The following TNRC18 variants were observed in gnomAD, a reference collection of about 807,000 sequenced individuals.
TNRC18 encodes trinucleotide repeat-containing gene 18 protein.
TNRC18 carries 69 observed loss-of-function variants against 226.7 expected under a neutral mutation model. The observed-to-expected ratio is 0.30, with a 90% CI of 0.25 to 0.37. TNRC18 has a LOEUF of 0.37. Among genes scored for constraint, TNRC18 ranks in the 10% least tolerant of loss-of-function variants. TNRC18 has a pLI of 1.00. For missense variants in TNRC18, 4,754 were observed against 4,256.6 expected (o/e 1.12, Z -3.25); for synonymous variants, 2,449 against 1,927.6 (o/e 1.27, Z -7.09).
At chr7:5,311,190 A>AAATGTGCG (rs1554267340) in intron 27 of TNRC18, among the ~76,000 whole-genome samples, 1 of 129,182 alleles carries the variant, frequency 7.7e-6, no homozygotes, top group African/African-American at 2.9e-5. Flanking sequence ...ATGTGCACAC[A>AAATGTGCG]TATGTGCGTG....
In TNRC18 at chr7:5,362,728, G is replaced by A. The variant is rs773309038; in HGVS notation, c.4317C>T (p.Asp1439=). The A allele has an allele frequency of 1.2e-5, 19 of 1,575,518 alleles. No homozygotes were observed. Among genetic ancestry groups the A allele is most frequent in the Non-Finnish European group, 8.6e-7 (1 of 1,161,366 alleles). ...GCGGGAGCCGCAGGTTCTTGAGTGG[G>A]TCCACCACGGGCCCATCCAGCACCT... ...LREVLDGPVV[D]PLKNLRLPRE... The change falls in exon 12 of 30, where the codon GAC becomes GAT. Residue 1439 remains aspartate, a synonymous_variant. Coordinates refer to ENST00000430969, the MANE Select transcript of TNRC18 (RefSeq NM_001080495.3).
intron 2 of TNRC18, among the ~76,000 whole-genome samples, chr7:5,402,178 C>CAA (rs35794476): frequency 0.015 from 1,054 of 70,972 alleles, 62 homozygotes; most frequent in African/African-American, 0.05. Context: ...GACTCTGTCT[C>CAA]AAAAAAAAAA....
At chr7:5,322,362 G>A (rs1405755314) in intron 21 of TNRC18, among the ~76,000 whole-genome samples, 2 of 152,094 alleles carry the variant, frequency 1.3e-5, no homozygotes, top group Admixed American at 6.5e-5. Flanking sequence ...GCAGTGGCAA[G>A]ATCATAGCTC....
chr7:5,406,213 C>G (rs902958606), intron 2 of TNRC18, among the ~76,000 whole-genome samples: 2 of 152,168 alleles, frequency 1.3e-5, no homozygotes, highest in Non-Finnish European at 2.9e-5. Flanking sequence ...GCCTGTAATC[C>G]CAGCACTTTG....
At chr7:5,390,685 T>C in intron 3 of TNRC18, 57 bp from the exon 4 acceptor site, 1 of 1,447,066 alleles carries the variant, frequency 6.9e-7, no homozygotes, top group Non-Finnish European at 9.1e-7. Flanking sequence ...CACCAGGAGC[T>C]TCCTTCCAGC....
chr7:5,333,095 C>T (rs368526605), intron 18 of TNRC18, 46 bp from the exon 19 acceptor site: 2 of 1,532,874 alleles, frequency 1.3e-6, no homozygotes, highest in East Asian at 4.9e-5. Context: ...CGTGGGGACC[C>T]CTTCCCTCCC....
Position 5,371,074 on chromosome 7 carries a change from G to A in TNRC18, c.3520C>T (p.Pro1174Ser), listed in dbSNP as rs1240384777. The A allele has an allele frequency of 4.3e-6, 7 of 1,611,636 alleles. No homozygotes were observed. Among genetic ancestry groups the A allele is most frequent in the Admixed American group, 3.3e-5 (2 of 59,996 alleles). Residue 1174 changes from proline to serine, a missense_variant, in exon 11 of 30, where the codon CCT becomes TCT. By Grantham distance (74) the Pro-to-Ser change is moderately conservative. Coordinates refer to ENST00000430969, the MANE Select transcript of TNRC18 (RefSeq NM_001080495.3). The part of the protein sequence containing the change: ...DMDEGPTELP[P>S]LESPLPLPAA... Reference sequence around the variant, plus strand: ...GGCAGTGGCAGCGGCGACTCCAGAGGCGGCAGCTCTGTGGGGCCCTCGTCC... The same window carrying A: ...GGCAGTGGCAGCGGCGACTCCAGAGACGGCAGCTCTGTGGGGCCCTCGTCC...
intron 9 of TNRC18, among the ~76,000 whole-genome samples, chr7:5,375,148 T>TA (rs59909122): frequency 0.15 from 22,198 of 151,946 alleles, 2,477 homozygotes; most frequent in African/African-American, 0.28. Context: ...CTACTAAAAA[T>TA]AGAGAAAAAA....
intron 27 of TNRC18, among the ~76,000 whole-genome samples, chr7:5,311,674 G>A (rs1787225390): frequency 6.6e-6 from 1 of 151,982 alleles, no homozygotes; most frequent in Non-Finnish European, 1.5e-5. Context: ...AATCAGCTGG[G>A]TAGCATGGTG....
At chr7:5,331,023 C>T (rs1789473525) in intron 19 of TNRC18, among the ~76,000 whole-genome samples, 1 of 152,102 alleles carries the variant, frequency 6.6e-6, no homozygotes, top group African/African-American at 2.4e-5. Flanking sequence ...CCTGCAAGGC[C>T]TTCAAAAACC....
In TNRC18 at chr7:5,312,200, G is replaced by C. The variant is rs892925258; in HGVS notation, c.8388+303C>G. Among the ~76,000 whole-genome samples the C allele has an allele frequency of 6.6e-6, 1 of 152,138 alleles. No individual in the cohort carries two copies. Among genetic ancestry groups the C allele is most frequent in the African/African-American group, 2.4e-5 (1 of 41,458 alleles). ...CCCCTTCCACGTGGCGCCGACGCCT[G>C]TGGGTCTGTGCTGATCTTTGCACGT... On this transcript the variant is annotated intron_variant, in intron 27 of 29. Coordinates refer to ENST00000430969, the MANE Select transcript of TNRC18 (RefSeq NM_001080495.3). The surrounding 1 kb of genome is among the most constrained non-coding windows in gnomAD (Gnocchi z 6.3).
chr7:5,357,186 A>C lies in TNRC18; in HGVS notation c.4924T>G (p.Leu1642Val). The C allele has an allele frequency of 6.2e-7, 1 of 1,610,042 alleles. No individual in the cohort carries two copies. The highest frequency in any genetic ancestry group is 8.5e-7 in the Non-Finnish European group (1 of 1,178,306). Residue 1642 changes from leucine (L) to valine (V), a missense_variant, in exon 16 of 30, where the codon TTG becomes GTG. By Grantham distance (32) the Leu-to-Val change is conservative. Transcript: ENST00000430969. ...KALSLTKQDK[L>V]KSPFKFSDSA... ...TCCGAAAACTTGAAGGGCGACTTCA[A>C]CTTGTCCTGCTTGGTGAGGGAGAGG...
In TNRC18 at chr7:5,321,117, C is replaced by T; in HGVS notation, c.6516G>A (p.Lys2172=). The T allele has an allele frequency of 6.4e-7, 1 of 1,556,006 alleles. No individual in the cohort carries two copies. Among genetic ancestry groups the T allele is most frequent in the Non-Finnish European group, 8.7e-7 (1 of 1,150,626 alleles). The change falls in exon 22 of 30, where the codon AAG becomes AAA. Residue 2172 remains lysine (K), a synonymous_variant. Transcript: ENST00000430969. ...GLRVLIPMDD[K]LLYAGHVQTV... ...TCTGCACGTGCCCGGCGTACAGCAG[C>T]TTGTCATCCATGGGGATGAGCACAC...
chr7:5,357,210 G>A lies in TNRC18; in HGVS notation c.4900C>T (p.Leu1634Phe), dbSNP rs1276460971. The A allele has an allele frequency of 6.2e-7, 1 of 1,612,076 alleles. No homozygotes were observed. The highest frequency in any genetic ancestry group is 8.5e-7 in the Non-Finnish European group (1 of 1,179,266). Residue 1634 changes from leucine to phenylalanine, a missense_variant, in exon 16 of 30, where the codon CTC becomes TTC. Physicochemically the swap from Leu to Phe is conservative, Grantham distance 22. Transcript: ENST00000430969. ...EQLASKLDKA[L>F]SLTKQDKLKS... ...AACTTGTCCTGCTTGGTGAGGGAGAGGGCCTTGTCGAGCTTGCTTGCCAAC... is the reference window on the plus strand; with the variant it reads ...AACTTGTCCTGCTTGGTGAGGGAGAAGGCCTTGTCGAGCTTGCTTGCCAAC...
rs1295581886 is a variant in TNRC18 at position 5,312,998 on chromosome 7, GGAGGAT to G, written c.7887_7892del (p.Ser2670_Ser2671del). On this transcript the variant is annotated inframe_deletion, in exon 27 of 30. Coordinates refer to ENST00000430969, the MANE Select transcript of TNRC18 (RefSeq NM_001080495.3). This position sits in a 1 kb window ranked among gnomAD's most constrained non-coding sequence, Gnocchi z 6.3. ...AGGAGGAAGAGGAGGAGGAGGAAGAGGAGGATGAGGAGGAGGAGGAGGAGGAGGAGG... is the reference window on the plus strand; with the variant it reads ...AGGAGGAAGAGGAGGAGGAGGAAGAGGAGGAGGAGGAGGAGGAGGAGGAGG... The G allele has an allele frequency of 5.6e-4, 526 of 945,780 alleles. 1 individual carries two copies. Among genetic ancestry groups the G allele is most frequent in the Middle Eastern group, 9.4e-4 (3 of 3,176 alleles). The allele number at this position is 945,780 out of a possible 1,614,324, so 58.6% of individuals were successfully genotyped here. A position where few individuals can be genotyped will look rare whatever the true frequency, so the allele number is the denominator to read the frequency against.
At chr7:5,402,823 A>C (rs1781200139) in intron 2 of TNRC18, among the ~76,000 whole-genome samples, 1 of 151,904 alleles carries the variant, frequency 6.6e-6, no homozygotes, top group Admixed American at 6.6e-5. Flanking sequence ...CACTGCACTC[A>C]AGCCTCGGCG....
In TNRC18 at chr7:5,324,229, G is replaced by A. The variant is rs764445181; in HGVS notation, c.6427C>T (p.Arg2143Trp). The change falls in exon 21 of 30, where the codon CGG becomes TGG. Residue 2143 changes from arginine to tryptophan, a missense_variant. Transcript: ENST00000430969. The surrounding 1 kb of genome is among the most constrained non-coding windows in gnomAD (Gnocchi z 4.8). ...GGCCACTCACCCGGGGTCAGCGGCC[G>A]CTCCACAGCCCCGCCACGCGGCAGG... Reference protein sequence around the residue: ...EHLPRGGAVERPLTPAPRSCI... With the variant: ...EHLPRGGAVEWPLTPAPRSCI... The A allele has an allele frequency of 9.3e-6, 15 of 1,607,678 alleles. No individual in the cohort carries two copies. The highest frequency in any genetic ancestry group is 3.3e-5 in the South Asian group (3 of 90,598).
intron 24 of TNRC18, 112 bp downstream of exon 24, chr7:5,320,206 G>T: frequency 1.2e-6 from 1 of 807,884 alleles, no homozygotes; most frequent in Non-Finnish European, 2.0e-6. Context: ...TTTCAGTTAT[G>T]TGAGCCCACA....
chr7:5,379,591 C>T (rs1217440204), intron 5 of TNRC18, among the ~76,000 whole-genome samples: 1 of 152,168 alleles, frequency 6.6e-6, no homozygotes, highest in East Asian at 1.9e-4. Context: ...CAGGGAGCGG[C>T]GGAGTGGCAG....
Sources: allele counts gnomAD v4.1 joint callset (sites outside exome capture counted in the v4.1 genomes callset), GRCh38; gene constraint gnomAD v4.1.1; non-coding constraint Gnocchi (gnomAD v3.1); transcripts MANE v1.5; gene names NCBI Gene and HGNC (gene_info 2026-07-23, HGNC 2026-07-21).